SLC24A2: variants seen among roughly 807,000 people sequenced by gnomAD.
The protein encoded by SLC24A2 is solute carrier family 24 member 2.
SLC24A2 carries 36 observed loss-of-function variants against 62.0 expected under a neutral mutation model. The observed-to-expected ratio is 0.58, with a 90% confidence interval of 0.44 to 0.77. The LOEUF is 0.77. Ranked by LOEUF, SLC24A2 falls within the 30% of genes least tolerant of loss-of-function variation. The pLI is 0.00. For synonymous variants in SLC24A2, 358 were observed against 294.0 expected (o/e 1.22, Z -2.23); for missense variants, 846 against 817.9 (o/e 1.03, Z -0.42).
At chr9:19,562,126 T>C (rs1370524720) in intron 7 of SLC24A2, among the ~76,000 whole-genome samples, 1 of 152,210 alleles carries the variant, frequency 6.6e-6, no homozygotes, top group Non-Finnish European at 1.5e-5. Context: ...GAGACTGATT[T>C]CTTTCCATAT....
intron 2 of SLC24A2, among the ~76,000 whole-genome samples, chr9:19,711,616 C>G (rs935377698): frequency 6.6e-6 from 1 of 152,194 alleles, no homozygotes; most frequent in Non-Finnish European, 1.5e-5. Flanking sequence ...GATTTCATTT[C>G]TAGAAGAACA....
intron 2 of SLC24A2, among the ~76,000 whole-genome samples, chr9:19,782,222 A>G (rs954639198): frequency 3.3e-5 from 5 of 152,234 alleles, no homozygotes; most frequent in African/African-American, 9.6e-5. Context: ...CCCAGCAGCC[A>G]GGCTAGGAGC....
At chr9:19,802,008 C>T in the SLC24A2 span, among the ~76,000 whole-genome samples, 1 of 152,150 alleles carries the variant, frequency 6.6e-6, no homozygotes, top group African/African-American at 2.4e-5. Context: ...TATTGAAATA[C>T]TTCTATACCA....
chr9:20,238,329 C>T, the SLC24A2 span, among the ~76,000 whole-genome samples: 1 of 152,096 alleles, frequency 6.6e-6, no homozygotes, highest in Non-Finnish European at 1.5e-5. Flanking sequence ...CACAGTAAAG[C>T]CAAAAACTCC....
the SLC24A2 span, among the ~76,000 whole-genome samples, chr9:19,920,348 T>A: frequency 1.3e-5 from 2 of 152,246 alleles, no homozygotes; most frequent in African/African-American, 4.8e-5. Context: ...ATTTTCATAG[T>A]TGCCAATGAT....
chr9:19,739,088 T>A (rs568570307), intron 2 of SLC24A2, among the ~76,000 whole-genome samples: 1 of 152,246 alleles, frequency 6.6e-6, no homozygotes, highest in East Asian at 1.9e-4. Flanking sequence ...CTGCACTCCA[T>A]CCGGGGTGAC....
chr9:20,153,618 A>G, the SLC24A2 span, among the ~76,000 whole-genome samples: 3 of 152,002 alleles, frequency 2.0e-5, no homozygotes, highest in South Asian at 4.1e-4. Flanking sequence ...TTATTGTTCT[A>G]TGATTACTAT....
chr9:19,799,330 C>G, the SLC24A2 span, among the ~76,000 whole-genome samples: 1 of 152,022 alleles, frequency 6.6e-6, no homozygotes, highest in Admixed American at 6.6e-5. Context: ...TTTTCTGTTT[C>G]CTAAAGTAAT....
At chr9:20,270,808 G>A in the SLC24A2 span, among the ~76,000 whole-genome samples, 1 of 152,116 alleles carries the variant, frequency 6.6e-6, no homozygotes, top group Non-Finnish European at 1.5e-5. Flanking sequence ...AAACAAAAAT[G>A]TTTTTATACA....
At chr9:20,136,022 G>A in the SLC24A2 span, among the ~76,000 whole-genome samples, 1 of 152,114 alleles carries the variant, frequency 6.6e-6, no homozygotes, top group Non-Finnish European at 1.5e-5. Flanking sequence ...TGGGCATTGG[G>A]AGTGAAATGA....
chr9:19,913,660 T>A, the SLC24A2 span, among the ~76,000 whole-genome samples: 1 of 152,132 alleles, frequency 6.6e-6, no homozygotes, highest in African/African-American at 2.4e-5. Flanking sequence ...TTTCATTGTA[T>A]TTCATGAGAT....
chr9:19,741,215 T>C (rs983540352), intron 2 of SLC24A2, among the ~76,000 whole-genome samples: 3 of 152,202 alleles, frequency 2.0e-5, no homozygotes, highest in Non-Finnish European at 2.9e-5. Context: ...TTTCAGGCTT[T>C]GTGACACTTG....
chr9:19,886,130 G>A, the SLC24A2 span, among the ~76,000 whole-genome samples: 1 of 152,214 alleles, frequency 6.6e-6, no homozygotes, highest in East Asian at 1.9e-4. Context: ...ACGATTGCTG[G>A]GTCGAATGGC....
At chr9:19,990,633 A>T in the SLC24A2 span, among the ~76,000 whole-genome samples, 2 of 148,220 alleles carry the variant, frequency 1.3e-5, no homozygotes, top group Non-Finnish European at 3.0e-5. Flanking sequence ...AAAAAAACAA[A>T]ACAAAAAAAA....
intron 7 of SLC24A2, among the ~76,000 whole-genome samples, chr9:19,551,327 T>C (rs939845977): frequency 7.2e-5 from 11 of 152,344 alleles, no homozygotes; most frequent in African/African-American, 2.6e-4. Context: ...GTCTCTGACT[T>C]GGCAGCCAAT....
the SLC24A2 span, among the ~76,000 whole-genome samples, chr9:20,165,062 C>A: frequency 1.3e-5 from 2 of 150,038 alleles, no homozygotes; most frequent in South Asian, 2.1e-4. Flanking sequence ...TGCAGCACAC[C>A]AGCATGGCAC....
At chr9:20,014,759 T>C in the SLC24A2 span, among the ~76,000 whole-genome samples, 1 of 152,050 alleles carries the variant, frequency 6.6e-6, no homozygotes, top group Non-Finnish European at 1.5e-5. Context: ...GGAAAAGTTG[T>C]TGTCCAAAGG....
the SLC24A2 span, among the ~76,000 whole-genome samples, chr9:20,013,330 A>ATAG: frequency 6.6e-6 from 1 of 152,236 alleles, no homozygotes; most frequent in East Asian, 1.9e-4. Context: ...TCTTCAATAA[A>ATAG]TAGTGTTGGA....
chr9:19,528,632 TA>T (rs1403970031), intron 8 of SLC24A2, among the ~76,000 whole-genome samples: 1 of 152,130 alleles, frequency 6.6e-6, no homozygotes, highest in Non-Finnish European at 1.5e-5. Context: ...TCAGCAGGTT[TA>T]AAAATAGATT....
Sources: gnomAD v4.1 joint callset for allele counts (sites outside exome capture counted in the v4.1 genomes callset) on GRCh38, gnomAD v4.1.1 for gene constraint, MANE v1.5 for transcripts, NCBI Gene and HGNC (gene_info 2026-07-23, HGNC 2026-07-21) for gene names.